The following PIWIL3 variants were observed in gnomAD, a reference collection of about 807,000 sequenced individuals.
PIWIL3 encodes the protein piwi like RNA-mediated gene silencing 3.
A neutral mutation model predicts 109.7 loss-of-function variants in PIWIL3; 101 were observed. That is an observed-to-expected ratio of 0.92 (90% CI 0.78 to 1.09). The LOEUF is 1.09. Ranked by LOEUF, PIWIL3 falls within the 50% of genes least tolerant of loss-of-function variation. The pLI is 0.00. For missense variants in PIWIL3, 1,031 were observed against 1,072.6 expected (o/e 0.96, Z 0.54); for synonymous variants, 373 against 376.4 (o/e 0.99, Z 0.10).
At chr22:24,760,634 G>A (rs1925370138) in intron 2 of PIWIL3, among the ~76,000 whole-genome samples, 3 of 151,982 alleles carry the variant, frequency 2.0e-5, no homozygotes, top group South Asian at 4.2e-4. Context: ...ACAAAACTTA[G>A]CTGGGCATGG....
intron 12 of PIWIL3, among the ~76,000 whole-genome samples, chr22:24,740,968 A>G (rs1002490234): frequency 6.6e-5 from 10 of 152,352 alleles, no homozygotes; most frequent in Admixed American, 3.3e-4. Context: ...AGAAAACTAT[A>G]TAGATCAATC....
rs756350959 is a variant in PIWIL3 at position 24,749,838 on chromosome 22, A to C, written c.1090-19T>G. On this transcript the variant is annotated intron_variant, in intron 9 of 20. Coordinates refer to ENST00000616349, the MANE Select transcript of PIWIL3 (RefSeq NM_001255975.1). ...TATGTTGCTGCTCAACAAACAAGAG[A>C]CCAGCATGACCATCAGTGAAACCTT... The C allele has an allele frequency of 6.2e-7, 1 of 1,613,816 alleles. No individual in the cohort carries two copies. Among genetic ancestry groups the C allele is most frequent in the Non-Finnish European group, 8.5e-7 (1 of 1,179,906 alleles).
intron 8 of PIWIL3, among the ~76,000 whole-genome samples, chr22:24,751,795 C>A (rs1048113667): frequency 1.3e-5 from 2 of 152,232 alleles, no homozygotes; most frequent in Admixed American, 1.3e-4. Flanking sequence ...CGTGTCTCAA[C>A]ACATTTGCTC....
chr22:24,745,717 G>GAAAAAAAAAAAAAAA (rs71189273), intron 12 of PIWIL3, among the ~76,000 whole-genome samples: 2 of 80,252 alleles, frequency 2.5e-5, no homozygotes, highest in Non-Finnish European at 5.0e-5. Context: ...GTCAGACTAA[G>GAAAAAAAAAAAAAAA]AAAAAAAAAA....
At chr22:24,751,298 G>T in intron 9 of PIWIL3, 89 bp downstream of exon 9, 2 of 1,304,820 alleles carry the variant, frequency 1.5e-6, no homozygotes, top group South Asian at 2.9e-5. Flanking sequence ...ATGTTTATAT[G>T]ACAAATATGT....
chr22:24,723,290 C>T, intron 18 of PIWIL3, 35 bp from the exon 19 acceptor site: 1 of 1,587,414 alleles, frequency 6.3e-7, no homozygotes, highest in South Asian at 1.1e-5. Flanking sequence ...ACTATGTTTA[C>T]TCAGTCTTAC....
intron 1 of PIWIL3, among the ~76,000 whole-genome samples, chr22:24,772,903 A>C (rs1360060554): frequency 6.6e-6 from 1 of 152,062 alleles, no homozygotes; most frequent in Non-Finnish European, 1.5e-5. Flanking sequence ...AGTTATCTGG[A>C]CCTCAAGCCC....
At chr22:24,755,719 T>C (rs1924984294) in intron 6 of PIWIL3, 65 bp downstream of exon 6, 1 of 1,593,620 alleles carries the variant, frequency 6.3e-7, no homozygotes, top group Non-Finnish European at 8.6e-7. Context: ...AATGGCTGTA[T>C]TCCACACCAC....
intron 3 of PIWIL3, among the ~76,000 whole-genome samples, chr22:24,758,403 T>TA (rs1196396377): frequency 1.3e-5 from 2 of 152,342 alleles, no homozygotes; most frequent in African/African-American, 2.4e-5. Flanking sequence ...GCCAATCATT[T>TA]AAAAAATCTA....
At chr22:24,723,713 C>A (rs1481756081) in intron 18 of PIWIL3, among the ~76,000 whole-genome samples, 1 of 152,120 alleles carries the variant, frequency 6.6e-6, no homozygotes, top group African/African-American at 2.4e-5. Context: ...CTCACTCTGT[C>A]CCCCAGGCTG....
At chr22:24,723,996 G>A (rs146419357) in intron 18 of PIWIL3, among the ~76,000 whole-genome samples, 2 of 152,228 alleles carry the variant, frequency 1.3e-5, no homozygotes, top group Non-Finnish European at 2.9e-5. Flanking sequence ...ATTTCTATGA[G>A]TATCTGAATT....
intron 3 of PIWIL3, among the ~76,000 whole-genome samples, chr22:24,758,618 G>T (rs147120013): frequency 6.6e-6 from 1 of 152,112 alleles, no homozygotes; most frequent in Admixed American, 6.5e-5. Flanking sequence ...TGTAAATCCC[G>T]TACACCTAAA....
At chr22:24,766,225 G>A (rs1391597724) in intron 1 of PIWIL3, among the ~76,000 whole-genome samples, 1 of 151,908 alleles carries the variant, frequency 6.6e-6, no homozygotes, top group African/African-American at 2.4e-5. Context: ...GAGCTCAAGC[G>A]ATCATCCCAT....
Position 24,756,548 on chromosome 22 carries a change from T to C in PIWIL3, c.513A>G (p.Gly171=), listed in dbSNP as rs779615861. 8.7e-6 allele frequency: 14 copies of C among 1,614,092 alleles called. No individual in the cohort carries two copies. In the African/African-American group the frequency reaches 1.9e-4, roughly 22 times the overall value. ...ILLDQHRRKF[G]ERHIFDGNSL... ...AGTTTCCATCAAATATATGGCGCTC[T>C]CCAAATTTCCTTCTATGTTGATCAA... The change falls in exon 5 of 21, where the codon GGA becomes GGG. Residue 171 remains glycine, a synonymous_variant. Coordinates refer to ENST00000616349, the MANE Select transcript of PIWIL3 (RefSeq NM_001255975.1).
At chr22:24,729,923 TCTA>T (rs1313618623) in intron 14 of PIWIL3, among the ~76,000 whole-genome samples, 1 of 151,728 alleles carries the variant, frequency 6.6e-6, no homozygotes, top group African/African-American at 2.4e-5. Flanking sequence ...ACTGATGGAT[TCTA>T]CTTTTTCTTT....
At chr22:24,751,149 C>G (rs1424027867) in intron 9 of PIWIL3, among the ~76,000 whole-genome samples, 1 of 151,868 alleles carries the variant, frequency 6.6e-6, no homozygotes, top group East Asian at 1.9e-4. Flanking sequence ...TGATAGTAGC[C>G]ACTTTTAAGA....
chr22:24,728,009 G>A lies in PIWIL3; in HGVS notation c.1950C>T (p.Ile650=), dbSNP rs369368465. Reference sequence around the variant, plus strand: ...CTGCTATTGATTTCTGTCGATTTACGATATCGTGGAAACAATCAATGCCAA... The same window carrying A: ...CTGCTATTGATTTCTGTCGATTTACAATATCGTGGAAACAATCAATGCCAA... ...MFVGIDCFHD[I]VNRQKSIAGF... The change falls in exon 16 of 21, where the codon ATC becomes ATT. Residue 650 remains isoleucine, a synonymous_variant. Coordinates refer to ENST00000616349, the MANE Select transcript of PIWIL3 (RefSeq NM_001255975.1). 6.5e-5 allele frequency: 105 copies of A among 1,613,862 alleles called. 1 individual carries two copies. Among genetic ancestry groups the A allele is most frequent in the Middle Eastern group, 1.6e-4 (1 of 6,080 alleles).
intron 5 of PIWIL3, 129 bp downstream of exon 5, chr22:24,756,362 C>T: frequency 2.4e-6 from 2 of 842,932 alleles, no homozygotes; most frequent in Non-Finnish European, 3.6e-6. Context: ...GGTTTCACAA[C>T]AAGTCATATG....
chr22:24,730,690 G>A (rs567243177), intron 14 of PIWIL3, among the ~76,000 whole-genome samples: 1 of 152,210 alleles, frequency 6.6e-6, no homozygotes, highest in Admixed American at 6.5e-5. Context: ...AAGGAATAAA[G>A]TTTCCAAATA....
Sources: allele counts gnomAD v4.1 joint callset (sites outside exome capture counted in the v4.1 genomes callset), GRCh38; gene constraint gnomAD v4.1.1; transcripts MANE v1.5; gene names NCBI Gene and HGNC (gene_info 2026-07-23, HGNC 2026-07-21).